GRK4: variants seen among roughly 807,000 people sequenced by gnomAD.
GRK4 encodes the protein G protein-coupled receptor kinase 4.
GRK4 carries 73 observed loss-of-function variants against 77.9 expected under a neutral mutation model. The observed-to-expected ratio is 0.94, with a 90% CI of 0.78 to 1.14. The LOEUF (loss-of-function observed/expected upper bound fraction) is 1.14. Among genes scored for constraint, GRK4 ranks in the 50% most tolerant of loss-of-function variants. The probability of loss-of-function intolerance (pLI) is 0.00; values close to 1 mark genes in which losing one functional copy is unlikely to be tolerated. For synonymous variants in GRK4, 257 were observed against 254.4 expected (o/e 1.01, Z -0.10); for missense variants, 729 against 700.2 (o/e 1.04, Z -0.46).
chr4:2,992,134 G>A (rs548784448), intron 3 of GRK4, 81 bp from the exon 4 acceptor site: 12 of 909,920 alleles, frequency 1.3e-5, no homozygotes, highest in African/African-American at 3.3e-5. Context: ...CAACCTCAGC[G>A]TCCCAAGTGG....
At chr4:3,002,565 G>A (rs988354828) in intron 4 of GRK4, among the ~76,000 whole-genome samples, 4 of 152,118 alleles carry the variant, frequency 2.6e-5, no homozygotes, top group Admixed American at 6.5e-5. Flanking sequence ...TTAGCCAGGC[G>A]TGGTGGCGGG....
chr4:3,021,961 A>C (rs1578312042), intron 9 of GRK4, among the ~76,000 whole-genome samples: 1 of 152,126 alleles, frequency 6.6e-6, no homozygotes, highest in Non-Finnish European at 1.5e-5. Flanking sequence ...TTGTTGAATG[A>C]ATGACCGATG....
chr4:3,011,509 A>C (rs575691870), intron 7 of GRK4, among the ~76,000 whole-genome samples: 1 of 152,360 alleles, frequency 6.6e-6, no homozygotes, highest in South Asian at 2.1e-4. Flanking sequence ...TAACAGATTT[A>C]CTTGGGTTCC....
chr4:3,029,928 A>C (rs2110054208), intron 12 of GRK4, among the ~76,000 whole-genome samples: 1 of 152,392 alleles, frequency 6.6e-6, no homozygotes. Context: ...AGCAAAACAC[A>C]GTAAAATTCA....
At chr4:3,026,089 C>A (rs1283527367) in intron 10 of GRK4, among the ~76,000 whole-genome samples, 2 of 152,192 alleles carry the variant, frequency 1.3e-5, no homozygotes, top group African/African-American at 4.8e-5. Flanking sequence ...CGATGGAGAG[C>A]CTTGGGCACA....
intron 2 of GRK4, among the ~76,000 whole-genome samples, chr4:2,984,943 G>A (rs547393728): frequency 1.3e-5 from 2 of 151,530 alleles, no homozygotes; most frequent in South Asian, 2.1e-4. Context: ...CACTATGCCC[G>A]CTCCCCATTA....
intron 12 of GRK4, among the ~76,000 whole-genome samples, chr4:3,033,208 T>C (rs375928992): frequency 7.2e-5 from 11 of 152,064 alleles, no homozygotes; most frequent in Admixed American, 2.6e-4. Context: ...CACAGTGAGA[T>C]GCCGTCTATA....
chr4:3,013,652 G>A, intron 7 of GRK4, 36 bp from the exon 8 acceptor site: 1 of 1,580,338 alleles, frequency 6.3e-7, no homozygotes, highest in Non-Finnish European at 8.6e-7. Context: ...AATGCCAGGT[G>A]GACATAAACC....
chr4:3,028,617 C>T (rs1738279057), intron 11 of GRK4, among the ~76,000 whole-genome samples: 1 of 152,222 alleles, frequency 6.6e-6, no homozygotes, highest in Admixed American at 6.5e-5. Flanking sequence ...TGTGGCAATT[C>T]AGCTCATCTT....
At chr4:3,026,277 AACTTTGG>A (rs1737539883) in intron 10 of GRK4, among the ~76,000 whole-genome samples, 1 of 152,174 alleles carries the variant, frequency 6.6e-6, no homozygotes, top group South Asian at 2.1e-4. Flanking sequence ...CGAGTTCTCG[AACTTTGG>A]AGTTTTTGTC....
chr4:2,977,472 C>T (rs2109478274), intron 1 of GRK4, among the ~76,000 whole-genome samples: 1 of 152,338 alleles, frequency 6.6e-6, no homozygotes, highest in East Asian at 1.9e-4. Flanking sequence ...TAGATACTGA[C>T]ATCTGTATCA....
In GRK4 at chr4:2,963,846, C is replaced by A. The variant is rs1473321746; in HGVS notation, c.-225C>A. ...CCGCCGCGGTCGGGCTGCCCCCTCCCCTCGCCCCGACCGCTCCCCTGCTGG... is the reference window on the plus strand; with the variant it reads ...CCGCCGCGGTCGGGCTGCCCCCTCCACTCGCCCCGACCGCTCCCCTGCTGG... On this transcript the variant is annotated 5_prime_UTR_variant, in exon 1 of 16. Coordinates refer to ENST00000398052, the MANE Select transcript of GRK4 (RefSeq NM_182982.3). 1 of 577,990 alleles carries A rather than the reference C, an allele frequency of 1.7e-6. No individual in the cohort carries two copies. Among genetic ancestry groups the A allele is most frequent in the Non-Finnish European group, 3.0e-6 (1 of 330,054 alleles). The allele number at this position is 577,990 out of a possible 1,614,324, so 35.8% of individuals were successfully genotyped here. A position where few individuals can be genotyped will look rare whatever the true frequency, so the allele number is the denominator to read the frequency against.
At chr4:3,005,183 A>C (rs1730939999) in intron 5 of GRK4, among the ~76,000 whole-genome samples, 1 of 151,922 alleles carries the variant, frequency 6.6e-6, no homozygotes, top group Non-Finnish European at 1.5e-5. Flanking sequence ...ACAGTTTCTG[A>C]GGTGATCAGG....
intron 3 of GRK4, among the ~76,000 whole-genome samples, chr4:2,990,050 T>A (rs1725654285): frequency 6.6e-6 from 1 of 152,130 alleles, no homozygotes; most frequent in Admixed American, 6.6e-5. Context: ...ATGTCTTATA[T>A]CATTGAGTTT....
chr4:2,998,537 A>T (rs1728629380), intron 4 of GRK4, among the ~76,000 whole-genome samples: 1 of 152,176 alleles, frequency 6.6e-6, no homozygotes, highest in East Asian at 1.9e-4. Flanking sequence ...GTCACTATAC[A>T]AAATTTAATT....
At chr4:2,967,595 T>C (rs1718100250) in intron 1 of GRK4, among the ~76,000 whole-genome samples, 1 of 152,044 alleles carries the variant, frequency 6.6e-6, no homozygotes, top group Non-Finnish European at 1.5e-5. Flanking sequence ...GACAAGGTTT[T>C]GCCATGTTGG....
intron 1 of GRK4, among the ~76,000 whole-genome samples, chr4:2,967,685 C>G (rs1180014690): frequency 6.6e-6 from 1 of 152,204 alleles, no homozygotes; most frequent in Non-Finnish European, 1.5e-5. Context: ...AGGCGTGAGC[C>G]ACTGCACCCG....
chr4:2,988,516 AGC>A (rs1725110685), intron 2 of GRK4, among the ~76,000 whole-genome samples: 1 of 152,162 alleles, frequency 6.6e-6, no homozygotes, highest in African/African-American at 2.4e-5. Flanking sequence ...GGCTGCAGTG[AGC>A]GGAGATTGTA....
Position 3,022,418 on chromosome 4 carries a change from T to C in GRK4, c.937T>C (p.Leu313=), listed in dbSNP as rs905021680. ...TTTTGTTGTTGTTTCTTGTAGAGAC[T>C]TGAAGCCTGAGAATATTCTCCTTGA... ...LQRERIVYRD[L]KPENILLDDR... The change falls in exon 10 of 16, where the codon TTG becomes CTG. Residue 313 remains leucine, a synonymous_variant. Transcript: ENST00000398052. The C allele has an allele frequency of 6.2e-7, 1 of 1,613,972 alleles. No homozygotes were observed. Among genetic ancestry groups the C allele is most frequent in the Non-Finnish European group, 8.5e-7 (1 of 1,179,942 alleles).
Sources: gnomAD v4.1 joint callset for allele counts (sites outside exome capture counted in the v4.1 genomes callset) on GRCh38, gnomAD v4.1.1 for gene constraint, MANE v1.5 for transcripts, NCBI Gene and HGNC (gene_info 2026-07-23, HGNC 2026-07-21) for gene names.